The following GALM variants were observed in gnomAD, a reference collection of about 807,000 sequenced individuals.
GALM encodes galactose mutarotase.
GALM carries 43 observed loss-of-function variants against 37.4 expected under a neutral mutation model. The ratio of observed to expected loss-of-function variants is 1.15; its 90% CI spans 0.90 to 1.48. GALM has a LOEUF of 1.48. GALM is among the 40% of genes most tolerant of loss of function. The pLI is 0.00. For missense variants in GALM, 456 were observed against 419.1 expected, an observed-to-expected ratio of 1.09 and a Z score of -0.77; for synonymous variants, 199 against 170.6, an observed-to-expected ratio of 1.17 and a Z score of -1.30.
rs201178661 is a variant in GALM, at chr2:38,691,724, G to GTT, written c.634+1844_634+1845dup. Among the ~76,000 whole-genome samples, 1,106 of 142,264 alleles carry GTT rather than the reference G, an allele frequency of 7.8e-3. 11 individuals carry two copies. The highest frequency in any genetic ancestry group is 0.021 in the African/African-American group (791 of 38,236). The allele number at this position is 142,264 out of a possible 152,430, so 93.3% of individuals were successfully genotyped here. On this transcript the variant is annotated intron_variant, in intron 4 of 6. Transcript: ENST00000272252. ...GGAATATATGTGTTATATTTCAGTA[G>GTT]TTTTTTTTTTTTTTTAAAAAAGACC...
At chr2:38,720,724 C>T (rs1003051349) in intron 4 of GALM, among the ~76,000 whole-genome samples, 1 of 152,204 alleles carries the variant, frequency 6.6e-6, no homozygotes, top group Non-Finnish European at 1.5e-5. Context: ...TGTTCACTCA[C>T]ATGTCTGGCA....
At chr2:38,693,180 C>G (rs1181858401) in intron 4 of GALM, among the ~76,000 whole-genome samples, 1 of 152,150 alleles carries the variant, frequency 6.6e-6, no homozygotes, top group Non-Finnish European at 1.5e-5. Context: ...CTGAGACGTG[C>G]TACAAGAACC....
intron 4 of GALM, among the ~76,000 whole-genome samples, chr2:38,726,953 C>T (rs1228629353): frequency 6.7e-6 from 1 of 150,246 alleles, no homozygotes; most frequent in African/African-American, 2.5e-5. Flanking sequence ...GGCCAGATCA[C>T]ACCTGTAATC....
At chr2:38,686,026 C>T (rs965805319) in intron 3 of GALM, among the ~76,000 whole-genome samples, 14 of 151,480 alleles carry the variant, frequency 9.2e-5, no homozygotes, top group African/African-American at 3.4e-4. Context: ...AAGCATGCAT[C>T]TCTTTAACGA....
chr2:38,686,284 G>C (rs1665531944), intron 3 of GALM, among the ~76,000 whole-genome samples: 1 of 67,738 alleles, frequency 1.5e-5, no homozygotes, highest in Non-Finnish European at 3.0e-5. Flanking sequence ...TTCTTATTTT[G>C]AGATGGAGTC....
chr2:38,682,118 C>A (rs888055893), intron 3 of GALM: 1 of 229,208 alleles, frequency 4.4e-6, no homozygotes, highest in African/African-American at 2.2e-5. Context: ...ACACTAAAAT[C>A]AACCCAGCAG....
At chr2:38,703,316 G>C (rs1394815943) in intron 4 of GALM, among the ~76,000 whole-genome samples, 1 of 150,476 alleles carries the variant, frequency 6.6e-6, no homozygotes, top group Non-Finnish European at 1.5e-5. Flanking sequence ...ATGTTGGTCA[G>C]GCTGGTCTCT....
chr2:38,706,801 G>C (rs1666043323), intron 4 of GALM, among the ~76,000 whole-genome samples: 1 of 143,794 alleles, frequency 7.0e-6, no homozygotes, highest in South Asian at 2.3e-4. Flanking sequence ...GGCAGAGGCA[G>C]GAGGAACACT....
intron 4 of GALM, among the ~76,000 whole-genome samples, chr2:38,728,077 A>T (rs528731214): frequency 6.6e-6 from 1 of 151,086 alleles, no homozygotes; most frequent in Non-Finnish European, 1.5e-5. Flanking sequence ...TTTAAAATAT[A>T]TGAGACAGCT....
chr2:38,687,218 C>T (rs1572519486), intron 3 of GALM, among the ~76,000 whole-genome samples: 2 of 152,226 alleles, frequency 1.3e-5, no homozygotes, highest in East Asian at 1.9e-4. Flanking sequence ...GAGAGAGAGC[C>T]GCACAGAAGA....
At chr2:38,707,597 C>A (rs1206782055) in intron 4 of GALM, among the ~76,000 whole-genome samples, 1 of 152,126 alleles carries the variant, frequency 6.6e-6, no homozygotes, top group Non-Finnish European at 1.5e-5. Flanking sequence ...GGGCAGAAGC[C>A]AGACTGTAAC....
intron 4 of GALM, among the ~76,000 whole-genome samples, chr2:38,702,284 C>T (rs541719774): frequency 4.6e-5 from 7 of 152,136 alleles, no homozygotes; most frequent in South Asian, 2.1e-4. Context: ...ACCTCTTAGA[C>T]GGCTCTCAGG....
At chr2:38,693,706 G>A (rs1449537839) in intron 4 of GALM, among the ~76,000 whole-genome samples, 1 of 152,142 alleles carries the variant, frequency 6.6e-6, no homozygotes, top group Non-Finnish European at 1.5e-5. Context: ...CTGTAAGGTA[G>A]GTTCTGTTCA....
At chr2:38,703,587 C>G (rs1401728276) in intron 4 of GALM, among the ~76,000 whole-genome samples, 1 of 152,120 alleles carries the variant, frequency 6.6e-6, no homozygotes, top group Non-Finnish European at 1.5e-5. Flanking sequence ...ACTCTGAGGT[C>G]CTGTCCATTT....
chr2:38,732,937 A>AG (rs1666634473), intron 6 of GALM, among the ~76,000 whole-genome samples: 1 of 144,076 alleles, frequency 6.9e-6, no homozygotes, highest in African/African-American at 2.6e-5. Context: ...AAAAAAAAAA[A>AG]GGGCCAGGTG....
chr2:38,680,286 T>A (rs2148429053), intron 2 of GALM: 1 of 229,390 alleles, frequency 4.4e-6, no homozygotes, highest in Non-Finnish European at 8.8e-6. Context: ...CCTCCCAAAG[T>A]GTTGGGATTA....
chr2:38,669,159 A>G (rs1023438728), intron 1 of GALM: 14 of 152,252 alleles, frequency 9.2e-5, no homozygotes, highest in African/African-American at 3.4e-4. Flanking sequence ...CCTCCAAAGA[A>G]AGAAGTAAAA....
At chr2:38,703,880 T>C (rs917847263) in intron 4 of GALM, among the ~76,000 whole-genome samples, 1 of 151,944 alleles carries the variant, frequency 6.6e-6, no homozygotes, top group African/African-American at 2.4e-5. Context: ...CTGGGTGTGG[T>C]GGCATGTGCC....
intron 5 of GALM, among the ~76,000 whole-genome samples, chr2:38,730,927 A>AAT (rs1383127564): frequency 6.7e-6 from 1 of 149,978 alleles, no homozygotes; most frequent in Admixed American, 6.7e-5. Flanking sequence ...TCTCAAAAAA[A>AAT]AAAAAAGAAT....
Sources: allele counts gnomAD v4.1 joint callset (sites outside exome capture counted in the v4.1 genomes callset), GRCh38; gene constraint gnomAD v4.1.1; transcripts MANE v1.5; gene names NCBI Gene and HGNC (gene_info 2026-07-23, HGNC 2026-07-21).